Variants in ENPP2 observed in about 807,000 individuals in gnomAD.
ENPP2 encodes ectonucleotide pyrophosphatase/phosphodiesterase 2.
Under a neutral mutation model 120.2 loss-of-function variants are expected in ENPP2, and 51 were observed. The ratio of observed to expected loss-of-function variants is 0.42; its 90% confidence interval spans 0.34 to 0.54. The LOEUF is 0.54. Among genes scored for constraint, ENPP2 ranks in the 20% least tolerant of loss-of-function variants. The pLI is 0.04. For synonymous variants in ENPP2, 365 were observed against 366.4 expected (o/e 1.00, Z 0.04); for missense variants, 920 against 1,066.5 (o/e 0.86, Z 1.91).
chr8:119,657,933 C>T (rs1817814095), intron 1 of ENPP2, among the ~76,000 whole-genome samples: 1 of 152,196 alleles, frequency 6.6e-6, no homozygotes. Flanking sequence ...TTGCCTTGTG[C>T]ATTTACACAC....
intron 3 of ENPP2, among the ~76,000 whole-genome samples, chr8:119,624,700 G>C (rs899327596): frequency 1.3e-5 from 2 of 152,090 alleles, no homozygotes; most frequent in Non-Finnish European, 2.9e-5. Context: ...TTTGTATAAA[G>C]ATTTATTAAT....
At chr8:119,616,482 A>C in intron 7 of ENPP2, 98 bp from the exon 8 acceptor site, 2 of 820,166 alleles carry the variant, frequency 2.4e-6, no homozygotes, top group Non-Finnish European at 3.7e-6. Flanking sequence ...GTTTTATAGC[A>C]ATACTTAATT....
intron 10 of ENPP2, 59 bp from the exon 11 acceptor site, chr8:119,600,809 A>C: frequency 1.1e-5 from 10 of 947,252 alleles, no homozygotes; most frequent in Non-Finnish European, 1.7e-5. Context: ...AAAAAATATC[A>C]CATATTTTTA....
rs544886701 is a variant in ENPP2, at chr8:119,668,723, A to G, written c.21+4529T>C. 7.2e-4 allele frequency among the ~76,000 whole-genome samples: 109 copies of G among 152,238 alleles called. 3 individuals are homozygous for G. The South Asian group carries it at 0.015, about 21-fold the overall frequency. On this transcript the variant is annotated intron_variant, in intron 1 of 25. Transcript: ENST00000427067. The stretch of plus-strand genomic sequence containing the variant: ...ATTACAGGCATGAGCCACTGCACCC[A>G]GCCTCTAGACTTCTTTTACTACAAC...
At chr8:119,660,807 C>T (rs1817898364) in intron 1 of ENPP2, among the ~76,000 whole-genome samples, 1 of 151,998 alleles carries the variant, frequency 6.6e-6, no homozygotes, top group Non-Finnish European at 1.5e-5. Context: ...TGTTGTAGTG[C>T]GAAAGTGGTC....
intron 17 of ENPP2, 102 bp downstream of exon 17, chr8:119,583,615 G>A (rs1812901386): frequency 3.0e-6 from 2 of 666,074 alleles, no homozygotes; most frequent in South Asian, 2.2e-5. Context: ...AGAGGAGGTA[G>A]TCCCAGAAAA....
At chr8:119,591,853 G>A (rs1813529490) in intron 12 of ENPP2, among the ~76,000 whole-genome samples, 1 of 152,178 alleles carries the variant, frequency 6.6e-6, no homozygotes, top group African/African-American at 2.4e-5. Context: ...TACAATGTTA[G>A]CGTGGGAAGG....
Position 119,601,378 on chromosome 8 carries a change from G to A in ENPP2, c.899+19C>T. On this transcript the variant is annotated intron_variant, in intron 10 of 24. Coordinates refer to ENST00000075322, the MANE Select transcript of ENPP2 (RefSeq NM_001040092.3). ...AGATAGAAATGTACTGAAGAAAGAA[G>A]AAAGAGAGAAATAAATACCTCTCAT... 1 of 1,515,256 alleles carries A rather than the reference G, an allele frequency of 6.6e-7. No homozygotes were observed. Among genetic ancestry groups the A allele is most frequent in the Non-Finnish European group, 9.2e-7 (1 of 1,090,482 alleles). The allele number at this position is 1,515,256 out of a possible 1,614,324, so 93.9% of individuals were successfully genotyped here.
At chr8:119,664,171 G>T (rs1818004294) in intron 1 of ENPP2, among the ~76,000 whole-genome samples, 1 of 152,170 alleles carries the variant, frequency 6.6e-6, no homozygotes, top group South Asian at 2.1e-4. Flanking sequence ...GGGAAAAGTG[G>T]CTCAGCATGC....
In ENPP2 at chr8:119,582,553, C is replaced by A; in HGVS notation, c.1593G>T (p.Leu531Phe). Residue 531 changes from leucine to phenylalanine, a missense_variant, in exon 18 of 25, where the codon TTG (leucine) becomes TTT (phenylalanine). Coordinates refer to ENST00000075322, the MANE Select transcript of ENPP2 (RefSeq NM_001040092.3). Reference sequence around the variant, plus strand: ...AGGTATTAGTGCGCAGGAGATGATTCAAACTTCCATGGGTCCCATTATTAG... The same window carrying A: ...AGGTATTAGTGCGCAGGAGATGATTAAAACTTCCATGGGTCCCATTATTAG... ...PAPNNGTHGSLNHLLRTNTFR... is the reference protein window; with the variant it reads ...PAPNNGTHGSFNHLLRTNTFR... The A allele has an allele frequency of 6.2e-7, 1 of 1,613,942 alleles. No individual in the cohort carries two copies. The highest frequency in any genetic ancestry group is 1.3e-5 in the African/African-American group (1 of 75,044).
chr8:119,670,669 A>G lies in ENPP2; in HGVS notation c.21+2583T>C, dbSNP rs533532256. On this transcript the variant is annotated intron_variant, in intron 1 of 25. Coordinates refer to the ENPP2 transcript ENST00000427067. ...GATGATCTGCATCGTTTCCAAGAGA[A>G]AGGGGCTTTCAGCTGGGTCTAAATA... is the stretch of plus-strand genomic sequence containing the variant. 5.5e-4 allele frequency among the ~76,000 whole-genome samples: 84 copies of G among 152,360 alleles called. 1 individual carries two copies. In the South Asian group the frequency reaches 0.017, roughly 31 times the overall value.
At chr8:119,635,281 C>A (rs528429808) in intron 2 of ENPP2, among the ~76,000 whole-genome samples, 1 of 152,344 alleles carries the variant, frequency 6.6e-6, no homozygotes, top group South Asian at 2.1e-4. Context: ...TACTTTTCAA[C>A]TTTCCTTTCA....
At chr8:119,593,286 G>T (rs534367309) in intron 12 of ENPP2, among the ~76,000 whole-genome samples, 2 of 152,254 alleles carry the variant, frequency 1.3e-5, no homozygotes, top group African/African-American at 2.4e-5. Context: ...TCGGGGAAAT[G>T]ATTTGACTTA....
At chr8:119,616,191 A>C in intron 8 of ENPP2, 74 bp downstream of exon 8, 2 of 1,433,028 alleles carry the variant, frequency 1.4e-6, no homozygotes, top group Non-Finnish European at 1.9e-6. Flanking sequence ...TTCCACATCT[A>C]ACAAATTTGG....
intron 7 of ENPP2, 60 bp from the exon 8 acceptor site, chr8:119,616,444 T>C: frequency 7.6e-7 from 1 of 1,310,374 alleles, no homozygotes; most frequent in Non-Finnish European, 1.1e-6. Flanking sequence ...ATACATTAGT[T>C]CTAGTATGAA....
chr8:119,661,026 T>G (rs77899821), intron 1 of ENPP2, among the ~76,000 whole-genome samples: 135 of 152,234 alleles, frequency 8.9e-4, no homozygotes, highest in Non-Finnish European at 1.6e-3. Flanking sequence ...GATTTAAAGA[T>G]GAAGCTGGAA....
chr8:119,612,365 G>C (rs1317244912), intron 8 of ENPP2, among the ~76,000 whole-genome samples: 1 of 152,176 alleles, frequency 6.6e-6, no homozygotes, highest in Non-Finnish European at 1.5e-5. Context: ...CAATAAAACA[G>C]ATAAAAAGAG....
At chr8:119,604,057 T>C (rs1475922490) in intron 9 of ENPP2, among the ~76,000 whole-genome samples, 1 of 150,336 alleles carries the variant, frequency 6.7e-6, no homozygotes, top group African/African-American at 2.5e-5. Flanking sequence ...AGATGGAGTC[T>C]TGCTCTGTCG....
At chr8:119,631,786 A>C (rs1373098230) in intron 2 of ENPP2, among the ~76,000 whole-genome samples, 3 of 152,058 alleles carry the variant, frequency 2.0e-5, no homozygotes, top group South Asian at 2.1e-4. Flanking sequence ...TTCTTTTTTT[A>C]ATCATTTTTT....
Sources: gnomAD v4.1 joint callset for allele counts (sites outside exome capture counted in the v4.1 genomes callset) on GRCh38, gnomAD v4.1.1 for gene constraint, MANE v1.5 for transcripts, NCBI Gene and HGNC (gene_info 2026-07-23, HGNC 2026-07-21) for gene names.